The following ARHGAP32 variants were observed in gnomAD, a reference collection of about 807,000 sequenced individuals.
ARHGAP32 encodes rho GTPase-activating protein 32.
A neutral mutation model predicts 186.5 loss-of-function variants in ARHGAP32; 51 were observed. The ratio of observed to expected loss-of-function variants is 0.27; its 90% confidence interval spans 0.22 to 0.35. The LOEUF (loss-of-function observed/expected upper bound fraction) is 0.35. Among genes scored for constraint, ARHGAP32 ranks in the 10% least tolerant of loss-of-function variants. The probability of loss-of-function intolerance (pLI) is 1.00; values close to 1 mark genes in which losing one functional copy is unlikely to be tolerated. For synonymous variants in ARHGAP32, 950 were observed against 964.3 expected (o/e 0.99, Z 0.27); for missense variants, 2,186 against 2,623.5 (o/e 0.83, Z 3.64).
At position 128,974,227 on chromosome 11, in the gene ARHGAP32, G is replaced by T. The variant is rs1168103258; in HGVS notation, c.2970C>A (p.Pro990=). The change falls in exon 21 of 23, where the codon CCC becomes CCA. Residue 990 remains proline, a synonymous_variant. Transcript: ENST00000682385. ...CTTCTTCAGCAGCCACCTGGTCCAG[G>T]GGCTGGACTTCAGATTCATATGCTT... ...AQEAYESEVQ[P]LDQVAAEEVE... is the part of the protein sequence containing the mutation. The T allele has an allele frequency of 6.2e-7, 1 of 1,614,114 alleles. No individual in the cohort carries two copies.
chr11:128,986,395 GTTTT>G, intron 14 of ARHGAP32, 125 bp downstream of exon 14: 2 of 1,010,284 alleles, frequency 2.0e-6, no homozygotes, highest in Middle Eastern at 6.4e-4. Flanking sequence ...GGCAATATTT[GTTTT>G]TTTAAGGAGT....
At chr11:129,220,625 A>C (rs577425770) in intron 1 of ARHGAP32, among the ~76,000 whole-genome samples, 1 of 152,282 alleles carries the variant, frequency 6.6e-6, no homozygotes, top group East Asian at 1.9e-4. Flanking sequence ...GATGCAGTGG[A>C]TTGTGAACCA....
At position 129,091,971 on chromosome 11, in the gene ARHGAP32, ACATAC is replaced by A. The variant is rs562426702; in HGVS notation, c.531+1645_531+1649del. On this transcript the variant is annotated intron_variant, in intron 6 of 22. Transcript: ENST00000682385. ...AAGCCATGGGAATATATCAATGATT[ACATAC>A]AATGAGGCAAAGAACAGGTGCAAAT... Among the ~76,000 whole-genome samples the A allele has an allele frequency of 1.4e-4, 22 of 152,200 alleles. No homozygotes were observed. The East Asian group carries it at 3.9e-3, about 27-fold the overall frequency.
At chr11:128,975,320 C>T (rs566265446) in intron 20 of ARHGAP32, among the ~76,000 whole-genome samples, 1 of 152,080 alleles carries the variant, frequency 6.6e-6, no homozygotes, top group Admixed American at 6.5e-5. Flanking sequence ...TGACTTTGGG[C>T]AAGTTTTTCA....
At chr11:129,236,473 CT>C (rs1944936363) in intron 1 of ARHGAP32, among the ~76,000 whole-genome samples, 1 of 152,032 alleles carries the variant, frequency 6.6e-6, no homozygotes. Flanking sequence ...AATATTAGTC[CT>C]TTGTCTGATG....
intron 20 of ARHGAP32, among the ~76,000 whole-genome samples, chr11:128,975,569 A>AT (rs1945518773): frequency 3.3e-5 from 5 of 152,026 alleles, no homozygotes; most frequent in Admixed American, 1.3e-4. Context: ...CAAGAACTTC[A>AT]TTTTTTTCTT....
chr11:128,980,080 A>C (rs922750780), intron 18 of ARHGAP32, among the ~76,000 whole-genome samples: 3 of 152,340 alleles, frequency 2.0e-5, no homozygotes, highest in Middle Eastern at 3.4e-3. Flanking sequence ...CACAATGTGC[A>C]CTTCTAGCAA....
At chr11:129,108,529 G>C (rs1942114054) in intron 5 of ARHGAP32, among the ~76,000 whole-genome samples, 1 of 152,108 alleles carries the variant, frequency 6.6e-6, no homozygotes, top group South Asian at 2.1e-4. Flanking sequence ...TTCTACAAAA[G>C]CACTAGTTGA....
chr11:129,161,948 A>G (rs1038994114), intron 2 of ARHGAP32, among the ~76,000 whole-genome samples: 5 of 152,238 alleles, frequency 3.3e-5, no homozygotes. Flanking sequence ...CATATACACC[A>G]TGGAATACTA....
chr11:129,241,525 A>T (rs1314314849), intron 1 of ARHGAP32, among the ~76,000 whole-genome samples: 2 of 152,092 alleles, frequency 1.3e-5, no homozygotes, highest in Non-Finnish European at 2.9e-5. Flanking sequence ...GCACATCTGT[A>T]GTCTCAGCTA....
chr11:129,188,824 T>G (rs1393902904), intron 1 of ARHGAP32, among the ~76,000 whole-genome samples: 1 of 152,196 alleles, frequency 6.6e-6, no homozygotes, highest in Non-Finnish European at 1.5e-5. Context: ...CATCTACAGA[T>G]CGTGATCAAA....
At chr11:128,987,269 C>G (rs2136124900) in intron 13 of ARHGAP32, among the ~76,000 whole-genome samples, 1 of 152,272 alleles carries the variant, frequency 6.6e-6, no homozygotes, top group Non-Finnish European at 1.5e-5. Context: ...TAATATTCAT[C>G]CACGGGCATG....
chr11:129,241,040 G>A (rs1353061734), intron 1 of ARHGAP32, among the ~76,000 whole-genome samples: 1 of 152,156 alleles, frequency 6.6e-6, no homozygotes, highest in African/African-American at 2.4e-5. Flanking sequence ...CATCACTGCA[G>A]CTTTGAGCAA....
At chr11:129,134,722 A>G (rs1208008350) in intron 2 of ARHGAP32, among the ~76,000 whole-genome samples, 1 of 152,206 alleles carries the variant, frequency 6.6e-6, no homozygotes, top group Non-Finnish European at 1.5e-5. Context: ...GGGTAGTAAG[A>G]GGTCAGGCCT....
At chr11:129,140,522 C>T (rs192496586) in intron 2 of ARHGAP32, among the ~76,000 whole-genome samples, 1 of 152,292 alleles carries the variant, frequency 6.6e-6, no homozygotes, top group East Asian at 1.9e-4. Context: ...TTTATATGCT[C>T]CTTTATCTCT....
At chr11:129,199,061 T>C (rs1733169643) in intron 1 of ARHGAP32, among the ~76,000 whole-genome samples, 1 of 152,172 alleles carries the variant, frequency 6.6e-6, no homozygotes, top group African/African-American at 2.4e-5. Context: ...TTGTGGAACT[T>C]TGAACTTGAG....
At position 128,976,462 on chromosome 11, in the gene ARHGAP32, T is replaced by TA. The variant is rs1209844663; in HGVS notation, c.2194+100dup. On this transcript the variant is annotated intron_variant, in intron 20 of 22. Coordinates refer to ENST00000682385, the MANE Select transcript of ARHGAP32 (RefSeq NM_001378024.1). Reference sequence around the variant, plus strand: ...CTAGTATTCCTAGGAAATGAGTTAATAGCCTATTTATTAAGCACAGATATA... The same window carrying TA: ...CTAGTATTCCTAGGAAATGAGTTAATAAGCCTATTTATTAAGCACAGATATA... 4 of 929,324 alleles carry TA rather than the reference T, an allele frequency of 4.3e-6. No homozygotes were observed. The African/African-American group carries it at 6.7e-5, about 15-fold the overall frequency. The allele number at this position is 929,324 out of a possible 1,614,324, so 57.6% of individuals were successfully genotyped here.
chr11:129,058,835 A>T (rs1468897297), intron 10 of ARHGAP32, among the ~76,000 whole-genome samples: 5 of 152,254 alleles, frequency 3.3e-5, no homozygotes, highest in African/African-American at 1.2e-4. Context: ...TACAGTTACC[A>T]TGATTGTCTT....
Position 128,974,507 on chromosome 11 carries a change from AAGG to A in ARHGAP32, c.2687_2689del (p.Ser896del), listed in dbSNP as rs1945487783. ...GAAAGCATAGACGACCTTTTCAGTA[AAGG>A]AGGATGGCTTAGATGATTTATCTTC... On this transcript the variant is annotated inframe_deletion, in exon 21 of 23. Coordinates refer to ENST00000682385, the MANE Select transcript of ARHGAP32 (RefSeq NM_001378024.1). The A allele has an allele frequency of 1.2e-6, 2 of 1,614,044 alleles. No individual in the cohort carries two copies. The highest frequency in any genetic ancestry group is 1.3e-5 in the African/African-American group (1 of 74,904).
Sources: allele counts gnomAD v4.1 joint callset (sites outside exome capture counted in the v4.1 genomes callset), GRCh38; gene constraint gnomAD v4.1.1; transcripts MANE v1.5; gene names NCBI Gene and HGNC (gene_info 2026-07-23, HGNC 2026-07-21).